Variants in DNAH1 observed in about 807,000 individuals in gnomAD.
DNAH1 encodes the protein axonemal beta dynein heavy chain 1.
Under a neutral mutation model 484.3 loss-of-function variants are expected in DNAH1, and 327 were observed. The ratio of observed to expected loss-of-function variants is 0.68; its 90% CI spans 0.62 to 0.74. DNAH1 has a LOEUF of 0.74. DNAH1 is among the 30% of genes least tolerant of loss of function. The pLI, the probability that DNAH1 is intolerant of heterozygous loss-of-function variation, is 0.00. For missense variants in DNAH1, 5,052 were observed against 5,546.8 expected, an observed-to-expected ratio of 0.91 and a Z score of 2.83; for synonymous variants, 2,192 against 2,191.9, an observed-to-expected ratio of 1.00 and a Z score of 0.00.
At position 52,394,580 on chromosome 3, in the gene DNAH1, C is replaced by T; in HGVS notation, c.10742C>T (p.Pro3581Leu). The change falls in exon 67 of 78, where the codon CCA (proline) becomes CTA (leucine). Residue 3581 changes from proline to leucine, a missense_variant. By Grantham distance (98) the Pro-to-Leu change is moderately conservative. Coordinates refer to ENST00000420323, the MANE Select transcript of DNAH1 (RefSeq NM_015512.5). ...GACATCCTAGCACTCTCGAACCTGC[C>T]AACCTTTTCCTCCTTCTCTTCCGAC... ...WRDILALSNL[P>L]TFSSFSSDFV... 1 of 1,611,934 alleles carries T rather than the reference C, an allele frequency of 6.2e-7. No individual in the cohort carries two copies. Among genetic ancestry groups the T allele is most frequent in the South Asian group, 1.1e-5 (1 of 90,952 alleles).
At chr3:52,377,734 G>C (rs1266535180) in intron 46 of DNAH1, among the ~76,000 whole-genome samples, 1 of 135,578 alleles carries the variant, frequency 7.4e-6, no homozygotes, top group African/African-American at 3.0e-5. Flanking sequence ...GTGAAAGCTT[G>C]CATCTCACTT....
rs763660995 is a variant in DNAH1 at position 52,399,158 on chromosome 3, G to A, written c.12398G>A (p.Arg4133His). The change falls in exon 76 of 78, where the codon CGC becomes CAC. Residue 4133 changes from arginine to histidine, a missense_variant. Arg to His is a conservative substitution (Grantham distance 29). Transcript: ENST00000420323. ...ACAGGCACTCTGCAGAATTTTGCCC[G>A]CAAATTTGTCATCTCCATTGACACC... is the stretch of plus-strand genomic sequence containing the variant. ...FLTGTLQNFARKFVISIDTIS... is the reference protein window; with the variant it reads ...FLTGTLQNFAHKFVISIDTIS... The A allele has an allele frequency of 7.3e-5, 117 of 1,613,200 alleles. No homozygotes were observed. The highest frequency in any genetic ancestry group is 8.7e-5 in the Non-Finnish European group (103 of 1,179,510).
At position 52,349,226 on chromosome 3, in the gene DNAH1, G is replaced by T; in HGVS notation, c.2332G>T (p.Glu778Ter). The T allele has an allele frequency of 6.2e-7, 1 of 1,613,854 alleles. No individual in the cohort carries two copies. Among genetic ancestry groups the T allele is most frequent in the Non-Finnish European group, 8.5e-7 (1 of 1,179,824 alleles). ...CCAGACGCAGGGCCTGTTGGCCCAG[G>T]AGGTGCGGGAGGTAGTGCTCACCCA... ...TYQTQGLLAQ[E>*]VREVVLTHLR... The change falls in exon 14 of 78, where the codon GAG becomes TAG. Residue 778 changes from glutamate (E) to a stop codon, truncating the protein, a stop_gained. Transcript: ENST00000420323. LOFTEE classifies it high-confidence loss of function.
rs958390167 is a variant in DNAH1 at position 52,385,571 on chromosome 3, T to G, written c.8625+124T>G. ...CATCTGGCCTCCGTGTGCCCCAGCT[T>G]CCTCAATCAGTAGCCATCCATTTTG... On this transcript the variant is annotated intron_variant, in intron 54 of 77. Coordinates refer to ENST00000420323, the MANE Select transcript of DNAH1 (RefSeq NM_015512.5). 33 of 734,296 alleles carry G rather than the reference T, an allele frequency of 4.5e-5. No homozygotes were observed. The African/African-American group carries it at 5.6e-4, about 12-fold the overall frequency. 45.5% of individuals were successfully genotyped at this position (734,296 alleles called of 1,614,324 possible). A position where few individuals can be genotyped will look rare whatever the true frequency, so the allele number is the denominator to read the frequency against.
At chr3:52,391,716 TC>T (rs1290858661) in intron 63 of DNAH1, 113 bp downstream of exon 63, 16 of 1,277,616 alleles carry the variant, frequency 1.3e-5, no homozygotes, top group Non-Finnish European at 1.8e-5. Flanking sequence ...ACTCAAAGTC[TC>T]CACCAGTTTC....
intron 32 of DNAH1, among the ~76,000 whole-genome samples, chr3:52,363,969 A>G (rs1702968830): frequency 6.6e-6 from 1 of 152,070 alleles, no homozygotes; most frequent in Non-Finnish European, 1.5e-5. Flanking sequence ...CCCCACCCCC[A>G]ATCAGAGCAA....
At position 52,379,091 on chromosome 3, in the gene DNAH1, G is replaced by A. The variant is rs1442212996; in HGVS notation, c.7377+311G>A. ...GGGACAGTGAGCAGGGTGCCCTCTG[G>A]GAACCAAAAACCCCAGGTGGAAGGA... On this transcript the variant is annotated intron_variant, in intron 47 of 77. Transcript: ENST00000420323. This position sits in a 1 kb window ranked among gnomAD's most constrained non-coding sequence, Gnocchi z 4.4. 6.6e-6 allele frequency among the ~76,000 whole-genome samples: 1 copy of A among 152,200 alleles called. No homozygotes were observed. Among genetic ancestry groups the A allele is most frequent in the Non-Finnish European group, 1.5e-5 (1 of 68,036 alleles).
intron 54 of DNAH1, 138 bp downstream of exon 54, chr3:52,385,585 C>A: frequency 1.5e-6 from 1 of 686,872 alleles, no homozygotes; most frequent in Non-Finnish European, 2.5e-6. Flanking sequence ...CAATCAGTAG[C>A]CATCCATTTT....
intron 8 of DNAH1, among the ~76,000 whole-genome samples, chr3:52,340,440 A>G (rs192363239): frequency 3.7e-4 from 54 of 147,674 alleles, no homozygotes; most frequent in African/African-American, 1.3e-3. Context: ...TTATTTATTT[A>G]TATTTATTTT....
At chr3:52,389,320 C>G (rs764951194) in intron 59 of DNAH1, 141 bp from the exon 60 acceptor site, 1 of 1,283,014 alleles carries the variant, frequency 7.8e-7, no homozygotes, top group Non-Finnish European at 1.1e-6. Flanking sequence ...GAAAGTCACC[C>G]GAAGTGGGAT....
chr3:52,349,141 C>G, intron 13 of DNAH1, 54 bp from the exon 14 acceptor site: 1 of 1,611,650 alleles, frequency 6.2e-7, no homozygotes, highest in Non-Finnish European at 8.5e-7. Flanking sequence ...TGTGTATCCC[C>G]TGCCCACCCT....
chr3:52,317,239 A>C (rs1014005104), intron 1 of DNAH1, among the ~76,000 whole-genome samples: 2 of 152,154 alleles, frequency 1.3e-5, no homozygotes, highest in African/African-American at 4.8e-5. Flanking sequence ...ACAATAATTC[A>C]ATATTCAGAA....
intron 8 of DNAH1, 49 bp from the exon 9 acceptor site, chr3:52,344,441 C>A: frequency 6.3e-7 from 1 of 1,591,862 alleles, no homozygotes; most frequent in Non-Finnish European, 8.6e-7. Flanking sequence ...GGCTGGGGTT[C>A]ACAGGGTGTG....
rs1703766229 is a variant in DNAH1 at position 52,379,908 on chromosome 3, C to A, written c.7381C>A (p.Gln2461Lys). 1.3e-6 allele frequency: 2 copies of A among 1,559,124 alleles called. No homozygotes were observed. Among genetic ancestry groups the A allele is most frequent in the South Asian group, 2.4e-5 (2 of 84,414 alleles). The change falls in exon 48 of 78, where the codon CAA (glutamine) becomes AAA (lysine). Residue 2461 changes from glutamine to lysine, a missense_variant. Physicochemically the swap from Gln to Lys is moderately conservative, Grantham distance 53. Transcript: ENST00000420323. The surrounding 1 kb of genome is among the most constrained non-coding windows in gnomAD (Gnocchi z 4.4). Reference sequence around the variant, plus strand: ...ACCGATGCTGGGGCTACTGCAGGACCAAGTGCAGCTGCTGCGACTGTGGTA... The same window carrying A: ...ACCGATGCTGGGGCTACTGCAGGACAAAGTGCAGCTGCTGCGACTGTGGTA... Reference protein sequence around the residue: ...LMADPAKVEDQVQLLRLWYHE... With the variant: ...LMADPAKVEDKVQLLRLWYHE...
intron 73 of DNAH1, 80 bp from the exon 74 acceptor site, chr3:52,397,627 G>T: frequency 7.6e-7 from 1 of 1,311,312 alleles, no homozygotes; most frequent in East Asian, 2.4e-5. Context: ...GACAAGTGGG[G>T]ATGTGCTCCA....
chr3:52,352,641 G>A lies in DNAH1; in HGVS notation c.2961G>A (p.Lys987=), dbSNP rs749833114. Residue 987 remains lysine, a synonymous_variant, in exon 18 of 78, where the codon AAG becomes AAA. Coordinates refer to ENST00000420323, the MANE Select transcript of DNAH1 (RefSeq NM_015512.5). ...TGCGGCGTGTCAAGAAGCAGCTGAA[G>A]GACTGCCAGCAGCTGGCCATGCTCT... ...NEVRRVKKQL[K]DCQQLAMLYN... 6.2e-7 allele frequency: 1 copy of A among 1,612,890 alleles called. No homozygotes were observed. The highest frequency in any genetic ancestry group is 1.3e-5 in the African/African-American group (1 of 74,746).
At position 52,368,789 on chromosome 3, in the gene DNAH1, C is replaced by T. The variant is rs767624821; in HGVS notation, c.5814C>T (p.Ser1938=). Residue 1938 remains serine, a synonymous_variant, in exon 37 of 78, where the codon TCC becomes TCT. Transcript: ENST00000420323. The surrounding 1 kb of genome is among the most constrained non-coding windows in gnomAD (Gnocchi z 4.4). Reference sequence around the variant, plus strand: ...TCATCCGGGCGGGGGCCATCACCTCCGACACCAACAAGAAGTGGTACATGT... The same window carrying T: ...TCATCCGGGCGGGGGCCATCACCTCTGACACCAACAAGAAGTGGTACATGT... ...SSFIRAGAIT[S]DTNKKWYMFD... is the part of the protein sequence containing the mutation. 29 of 1,613,864 alleles carry T rather than the reference C, an allele frequency of 1.8e-5. No homozygotes were observed. The highest frequency in any genetic ancestry group is 4.5e-5 in the East Asian group (2 of 44,894).
chr3:52,363,998 G>A (rs1019758627), intron 32 of DNAH1, among the ~76,000 whole-genome samples: 1 of 152,160 alleles, frequency 6.6e-6, no homozygotes, highest in African/African-American at 2.4e-5. Flanking sequence ...CATGGTTTTG[G>A]AAATGCACTC....
Position 52,370,809 on chromosome 3 carries a change from A to T in DNAH1, c.6509A>T (p.Glu2170Val). ...ISGTNDSEDE[E>V]EEYKQVAWVK... ...GGCACCAACGACAGTGAGGATGAAG[A>T]GGAGGAATACAAGCAGGTGGCCGCA... The change falls in exon 41 of 78, where the codon GAG becomes GTG. Residue 2170 changes from glutamate (E) to valine (V), a missense_variant. By Grantham distance (121) the Glu-to-Val change is moderately radical. Around this residue, in one of 4 missense-constraint regions of DNAH1, gnomAD observed 2,929 missense variants for 3,409.4 expected, o/e 0.86. Coordinates refer to ENST00000420323, the MANE Select transcript of DNAH1 (RefSeq NM_015512.5). 6.2e-7 allele frequency: 1 copy of T among 1,603,196 alleles called. No individual in the cohort carries two copies. Among genetic ancestry groups the T allele is most frequent in the South Asian group, 1.1e-5 (1 of 88,700 alleles).
Sources: gnomAD v4.1 joint callset for allele counts (sites outside exome capture counted in the v4.1 genomes callset) on GRCh38, gnomAD v4.1.1 for gene constraint, gnomAD v4.1.1 regional missense constraint, Gnocchi (gnomAD v3.1) non-coding constraint, MANE v1.5 for transcripts, NCBI Gene and HGNC (gene_info 2026-07-23, HGNC 2026-07-21) for gene names.